The following MARCHF1 variants were observed in gnomAD, a reference collection of about 807,000 sequenced individuals.
MARCHF1 encodes E3 ubiquitin-protein ligase MARCHF1.
MARCHF1 carries 40 observed loss-of-function variants against 54.2 expected under a neutral mutation model. The ratio of observed to expected loss-of-function variants is 0.74; its 90% CI spans 0.57 to 0.96. The LOEUF (loss-of-function observed/expected upper bound fraction) is 0.96, where lower values mean the gene tolerates loss of function less well. MARCHF1 is among the 40% of genes least tolerant of loss of function. MARCHF1 has a pLI of 0.00. For missense variants in MARCHF1, 586 were observed against 656.5 expected, an observed-to-expected ratio of 0.89 and a Z score of 1.17; for synonymous variants, 236 against 236.3, an observed-to-expected ratio of 1.00 and a Z score of 0.01.
intron 5 of MARCHF1, among the ~76,000 whole-genome samples, chr4:163,645,038 C>T (rs1742700577): frequency 6.6e-6 from 1 of 152,156 alleles, no homozygotes. Context: ...TACTGCCTGC[C>T]CAGGGACCCA....
chr4:163,841,069 G>C (rs1341020256), intron 4 of MARCHF1, among the ~76,000 whole-genome samples: 1 of 152,032 alleles, frequency 6.6e-6, no homozygotes, highest in Non-Finnish European at 1.5e-5. Context: ...TTAAGATTAG[G>C]TAAAAGAATG....
chr4:163,797,353 ATG>A (rs10595715), intron 4 of MARCHF1, among the ~76,000 whole-genome samples: 132,141 of 150,118 alleles, frequency 0.88, 58,880 homozygotes, highest in South Asian at 0.96. Flanking sequence ...GTGTGTGTTT[ATG>A]TGTGTGTGTG....
chr4:163,833,568 G>T (rs943770758), intron 4 of MARCHF1, among the ~76,000 whole-genome samples: 1 of 152,102 alleles, frequency 6.6e-6, no homozygotes, highest in African/African-American at 2.4e-5. Flanking sequence ...GATATGAACA[G>T]ACACTTCTCA....
At chr4:163,827,981 T>G (rs949200669) in intron 4 of MARCHF1, among the ~76,000 whole-genome samples, 2 of 150,720 alleles carry the variant, frequency 1.3e-5, no homozygotes, top group African/African-American at 4.9e-5. Context: ...CGGACAGATA[T>G]GAACATCCTC....
chr4:163,681,244 G>T (rs1027520491), intron 5 of MARCHF1, among the ~76,000 whole-genome samples: 3 of 151,894 alleles, frequency 2.0e-5, no homozygotes, highest in African/African-American at 7.3e-5. Flanking sequence ...CCATTTTCAG[G>T]CTATATAAAG....
chr4:163,650,884 T>C (rs1203758002), intron 5 of MARCHF1, among the ~76,000 whole-genome samples: 1 of 151,946 alleles, frequency 6.6e-6, no homozygotes, highest in Non-Finnish European at 1.5e-5. Context: ...AAGCACTATG[T>C]TGCGTTTATT....
At chr4:164,275,289 T>C (rs2111321202) in intron 1 of MARCHF1, among the ~76,000 whole-genome samples, 1 of 152,308 alleles carries the variant, frequency 6.6e-6, no homozygotes, top group African/African-American at 2.4e-5. Flanking sequence ...ACTGTTTTCC[T>C]CGTCTGCGGC....
At chr4:164,377,658 T>A (rs1473075449) in intron 1 of MARCHF1, among the ~76,000 whole-genome samples, 1 of 152,116 alleles carries the variant, frequency 6.6e-6, no homozygotes, top group East Asian at 1.9e-4. Context: ...TGTGTATTAG[T>A]CCTAAAAGAA....
At chr4:164,035,781 T>C (rs1005349868) in intron 2 of MARCHF1, among the ~76,000 whole-genome samples, 1 of 151,412 alleles carries the variant, frequency 6.6e-6, no homozygotes, top group East Asian at 1.9e-4. Context: ...TTAAACCAGA[T>C]CTAATTAATA....
At chr4:164,071,252 T>A (rs1442783321) in intron 2 of MARCHF1, among the ~76,000 whole-genome samples, 1 of 152,182 alleles carries the variant, frequency 6.6e-6, no homozygotes, top group Non-Finnish European at 1.5e-5. Context: ...TAATTTTCGT[T>A]TACAAAAACC....
intron 1 of MARCHF1, among the ~76,000 whole-genome samples, chr4:164,264,671 G>A (rs953967757): frequency 3.9e-5 from 6 of 152,084 alleles, no homozygotes; most frequent in African/African-American, 1.2e-4. Flanking sequence ...TGTAATCCCA[G>A]CACTTTGGGA....
intron 4 of MARCHF1, among the ~76,000 whole-genome samples, chr4:163,825,154 T>G (rs1748812463): frequency 6.6e-6 from 1 of 152,080 alleles, no homozygotes; most frequent in African/African-American, 2.4e-5. Context: ...CCTGTCTCTG[T>G]GTCCATATGT....
intron 4 of MARCHF1, among the ~76,000 whole-genome samples, chr4:163,809,218 G>C (rs1205646337): frequency 3.9e-5 from 6 of 151,960 alleles, no homozygotes; most frequent in Non-Finnish European, 7.4e-5. Flanking sequence ...TTTAAACAAG[G>C]GTCATAATTT....
chr4:163,996,752 G>C (rs1753084301), intron 2 of MARCHF1, among the ~76,000 whole-genome samples: 1 of 151,978 alleles, frequency 6.6e-6, no homozygotes, highest in African/African-American at 2.4e-5. Context: ...AAAGTTATTA[G>C]AGTATTTGTT....
chr4:163,543,321 A>T (rs1313853990), intron 9 of MARCHF1, among the ~76,000 whole-genome samples: 1 of 152,048 alleles, frequency 6.6e-6, no homozygotes. Flanking sequence ...CAGATTCCAG[A>T]GGCATTCGAG....
intron 5 of MARCHF1, among the ~76,000 whole-genome samples, chr4:163,647,821 A>G (rs962574465): frequency 6.6e-6 from 1 of 151,892 alleles, no homozygotes; most frequent in African/African-American, 2.4e-5. Context: ...TCAAATAAAT[A>G]ACCTATGTTT....
chr4:164,325,289 A>G (rs1735244580), intron 1 of MARCHF1, among the ~76,000 whole-genome samples: 1 of 150,306 alleles, frequency 6.7e-6, no homozygotes, highest in Non-Finnish European at 1.5e-5. Flanking sequence ...GAAGAACATC[A>G]TACAAGAGAA....
At chr4:164,191,463 G>T (rs1188073339) in intron 1 of MARCHF1, among the ~76,000 whole-genome samples, 2 of 152,104 alleles carry the variant, frequency 1.3e-5, no homozygotes, top group Admixed American at 6.5e-5. Flanking sequence ...TTCTCTCTGA[G>T]TATAATATTT....
At chr4:163,831,093 A>T (rs971017) in intron 4 of MARCHF1, among the ~76,000 whole-genome samples, 1 of 152,116 alleles carries the variant, frequency 6.6e-6, no homozygotes, top group East Asian at 1.9e-4. Context: ...AAGCTCAGCC[A>T]AAAATTTCTT....
Sources: gnomAD v4.1 joint callset for allele counts (sites outside exome capture counted in the v4.1 genomes callset) on GRCh38, gnomAD v4.1.1 for gene constraint, MANE v1.5 for transcripts, NCBI Gene and HGNC (gene_info 2026-07-23, HGNC 2026-07-21) for gene names.